Variants in NEGR1 observed in about 807,000 individuals in gnomAD.
The protein encoded by NEGR1 is neuronal growth regulator 1.
A neutral mutation model predicts 40.9 loss-of-function variants in NEGR1; 10 were observed. The ratio of observed to expected loss-of-function variants is 0.24; its 90% confidence interval spans 0.15 to 0.42. The LOEUF is 0.42. Ranked by LOEUF, NEGR1 falls within the 10% of genes least tolerant of loss-of-function variation. The pLI, the probability that NEGR1 is intolerant of heterozygous loss-of-function variation, is 1.00. For missense variants in NEGR1, 352 were observed against 438.9 expected, an observed-to-expected ratio of 0.80 and a Z score of 1.77; for synonymous variants, 185 against 166.8, an observed-to-expected ratio of 1.11 and a Z score of -0.84.
intron 2 of NEGR1, among the ~76,000 whole-genome samples, chr1:71,817,072 G>A (rs1658249841): frequency 6.6e-6 from 1 of 151,958 alleles, no homozygotes; most frequent in Non-Finnish European, 1.5e-5. Flanking sequence ...TCTCTCCTCA[G>A]CCCACTCCAA....
chr1:71,836,297 CA>C (rs1056966642), intron 2 of NEGR1, among the ~76,000 whole-genome samples: 3 of 151,656 alleles, frequency 2.0e-5, no homozygotes, highest in African/African-American at 7.2e-5. Flanking sequence ...ACTGAAAATA[CA>C]AAAATTAGCT....
At position 71,986,019 on chromosome 1, in the gene NEGR1, G is replaced by A. The variant is rs1256045031; in HGVS notation, c.177-50708C>T. Among the ~76,000 whole-genome samples the A allele has an allele frequency of 4.6e-5, 7 of 152,234 alleles. 1 individual carries two copies. In the South Asian group the frequency reaches 1.0e-3, roughly 23 times the overall value. ...CTGAGAACATATTTAAGAAAATACCGTTAAAGGAAAAGGAAGGAATATCTT... is the reference window on the plus strand; with the variant it reads ...CTGAGAACATATTTAAGAAAATACCATTAAAGGAAAAGGAAGGAATATCTT... On this transcript the variant is annotated intron_variant, in intron 1 of 6. Transcript: ENST00000357731.
chr1:71,419,105 A>T (rs1307759423), intron 6 of NEGR1, among the ~76,000 whole-genome samples: 4 of 152,142 alleles, frequency 2.6e-5, no homozygotes, highest in African/African-American at 9.7e-5. Context: ...AGCTAGTACC[A>T]GTTCAATAGT....
chr1:72,200,878 T>C (rs368526553), intron 1 of NEGR1, among the ~76,000 whole-genome samples: 1 of 151,894 alleles, frequency 6.6e-6, no homozygotes, highest in South Asian at 2.1e-4. Flanking sequence ...AGCACTTATA[T>C]GTATTTGCTA....
chr1:72,176,363 T>C (rs1652164408), intron 1 of NEGR1, among the ~76,000 whole-genome samples: 1 of 152,104 alleles, frequency 6.6e-6, no homozygotes, highest in Non-Finnish European at 1.5e-5. Flanking sequence ...GCTAATGTTT[T>C]ACCAGGAGCC....
At chr1:71,996,329 C>A (rs1646504482) in intron 1 of NEGR1, among the ~76,000 whole-genome samples, 1 of 152,078 alleles carries the variant, frequency 6.6e-6, no homozygotes, top group South Asian at 2.1e-4. Flanking sequence ...TTCATTGAGA[C>A]AAGTTAGGAT....
intron 2 of NEGR1, among the ~76,000 whole-genome samples, chr1:71,833,691 T>C (rs1658917521): frequency 6.6e-6 from 1 of 152,044 alleles, no homozygotes; most frequent in South Asian, 2.1e-4. Flanking sequence ...AGACCTGATG[T>C]TGCAAACCAG....
intron 3 of NEGR1, among the ~76,000 whole-genome samples, chr1:71,702,571 A>G (rs1160085526): frequency 6.6e-6 from 1 of 152,048 alleles, no homozygotes; most frequent in Non-Finnish European, 1.5e-5. Context: ...AAAAAGTATT[A>G]GAATATTTTA....
intron 5 of NEGR1, among the ~76,000 whole-genome samples, chr1:71,597,398 G>GGATGGAGTT (rs1649746430): frequency 7.3e-6 from 1 of 136,738 alleles, no homozygotes; most frequent in African/African-American, 2.7e-5. Context: ...CCTTTCTCAA[G>GGATGGAGTT]GATGGAGTTT....
At chr1:71,727,172 T>G (rs1318972014) in intron 3 of NEGR1, among the ~76,000 whole-genome samples, 3 of 152,170 alleles carry the variant, frequency 2.0e-5, no homozygotes, top group Non-Finnish European at 4.4e-5. Context: ...CTTTGTTATT[T>G]TGTCCCCTCC....
rs562679330 is a variant in NEGR1 at position 71,773,819 on chromosome 1, T to C, written c.535+2353A>G. On this transcript the variant is annotated intron_variant, in intron 3 of 6. Coordinates refer to ENST00000357731, the MANE Select transcript of NEGR1 (RefSeq NM_173808.3). ...CCCAATCTGTCTTCTTTCAGTTTCA[T>C]GATGTTATCCGTTATCATTATTCTA... Among the ~76,000 whole-genome samples the C allele has an allele frequency of 2.6e-5, 4 of 152,280 alleles. No homozygotes were observed. The South Asian group carries it at 8.3e-4, about 32-fold the overall frequency.
chr1:71,588,111 C>T (rs1649367864), intron 6 of NEGR1, among the ~76,000 whole-genome samples: 2 of 151,992 alleles, frequency 1.3e-5, no homozygotes, highest in African/African-American at 4.8e-5. Context: ...TACTGAATTC[C>T]CACTAAAGTG....
intron 3 of NEGR1, among the ~76,000 whole-genome samples, chr1:71,757,365 TTAATAA>T (rs932222822): frequency 2.0e-5 from 3 of 152,046 alleles, no homozygotes; most frequent in Admixed American, 6.6e-5. Flanking sequence ...TTTGCCAAAA[TTAATAA>T]TAATAAGAAG....
intron 1 of NEGR1, among the ~76,000 whole-genome samples, chr1:72,187,029 A>G (rs1652637134): frequency 6.6e-6 from 1 of 151,570 alleles, no homozygotes; most frequent in Non-Finnish European, 1.5e-5. Flanking sequence ...CCTTTGCTTC[A>G]AAGACAATCT....
chr1:71,618,970 AC>A (rs1650528842), intron 4 of NEGR1, among the ~76,000 whole-genome samples: 1 of 152,104 alleles, frequency 6.6e-6, no homozygotes, highest in African/African-American at 2.4e-5. Context: ...GTTGTCCGTG[AC>A]TTTTAAGGTG....
chr1:72,225,811 T>C lies in NEGR1; in HGVS notation c.176+56508A>G, dbSNP rs548839074. Among the ~76,000 whole-genome samples, 2 of 151,826 alleles carry C rather than the reference T, an allele frequency of 1.3e-5. 1 individual carries two copies. Among genetic ancestry groups the C allele is most frequent in the South Asian group, 4.2e-4 (2 of 4,808 alleles). ...AAAGAGAAATCAAATTAAACTACTT[T>C]AGGTAAGACTACTATTATTCACAAG... is the stretch of plus-strand genomic sequence containing the variant. On this transcript the variant is annotated intron_variant, in intron 1 of 6. Transcript: ENST00000357731.
At chr1:71,504,115 A>C (rs1647016345) in intron 6 of NEGR1, among the ~76,000 whole-genome samples, 1 of 151,392 alleles carries the variant, frequency 6.6e-6, no homozygotes, top group Admixed American at 6.6e-5. Flanking sequence ...TAAAAAAATA[A>C]AATAAAATAA....
At chr1:71,736,424 A>C (rs548067936) in intron 3 of NEGR1, among the ~76,000 whole-genome samples, 1 of 152,312 alleles carries the variant, frequency 6.6e-6, no homozygotes, top group South Asian at 2.1e-4. Flanking sequence ...CTTTACGGTT[A>C]ATCATTAAAT....
chr1:72,182,692 A>G (rs2100415644), intron 1 of NEGR1, among the ~76,000 whole-genome samples: 1 of 151,910 alleles, frequency 6.6e-6, no homozygotes, highest in East Asian at 1.9e-4. Flanking sequence ...AATAACAATT[A>G]TATAATTATA....
Sources: allele counts gnomAD v4.1 joint callset (sites outside exome capture counted in the v4.1 genomes callset), GRCh38; gene constraint gnomAD v4.1.1; transcripts MANE v1.5; gene names NCBI Gene and HGNC (gene_info 2026-07-23, HGNC 2026-07-21).